ERLIN1: variants seen among roughly 807,000 people sequenced by gnomAD.
ERLIN1 encodes ER lipid raft associated 1.
ERLIN1 carries 24 observed loss-of-function variants against 46.9 expected under a neutral mutation model. That is an observed-to-expected ratio of 0.51 (90% CI 0.37 to 0.72). ERLIN1 has a LOEUF of 0.72. Ranked by LOEUF, ERLIN1 falls within the 30% of genes least tolerant of loss-of-function variation. The probability of loss-of-function intolerance (pLI) is 0.00; values close to 1 mark genes in which losing one functional copy is unlikely to be tolerated. For missense variants in ERLIN1, 293 were observed against 417.9 expected (o/e 0.70, Z 2.61); for synonymous variants, 158 against 143.2 (o/e 1.10, Z -0.74).
rs1842776785 is a variant in ERLIN1 at position 100,151,006 on chromosome 10, G to C, written c.*1125C>G. 1 of 152,442 alleles carries C rather than the reference G, an allele frequency of 6.6e-6. No individual in the cohort carries two copies. Among genetic ancestry groups the C allele is most frequent in the Non-Finnish European group, 1.5e-5 (1 of 68,052 alleles). 9.4% of individuals were successfully genotyped at this position (152,442 alleles called of 1,614,324 possible). A position where few individuals can be genotyped will look rare whatever the true frequency, so the allele number is the denominator to read the frequency against. Reference sequence around the variant, plus strand: ...CTGGGCCAGGTGGGAAGGAGACAATGATGACCAAGGATGCTTTCTAGGTGA... The same window carrying C: ...CTGGGCCAGGTGGGAAGGAGACAATCATGACCAAGGATGCTTTCTAGGTGA... On this transcript the variant is annotated 3_prime_UTR_variant, in exon 11 of 11. Transcript: ENST00000421367.
chr10:100,174,386 G>C lies in ERLIN1; in HGVS notation c.431-105C>G, dbSNP rs532476491. 6.1e-6 allele frequency: 5 copies of C among 815,964 alleles called. No homozygotes were observed. The African/African-American group carries it at 8.6e-5, about 14-fold the overall frequency. 50.5% of individuals were successfully genotyped at this position (815,964 alleles called of 1,614,324 possible). A position where few individuals can be genotyped will look rare whatever the true frequency, so the allele number is the denominator to read the frequency against. ...CATTATTAGACCTAAAGTTTCCACA[G>C]TACTATTCTTTTACAGAGCTTAAAC... On this transcript the variant is annotated intron_variant, in intron 5 of 10. Coordinates refer to ENST00000421367, the MANE Select transcript of ERLIN1 (RefSeq NM_006459.4).
At chr10:100,156,329 C>A in intron 8 of ERLIN1, 95 bp from the exon 9 acceptor site, 1 of 745,088 alleles carries the variant, frequency 1.3e-6, no homozygotes, top group South Asian at 1.6e-5. Flanking sequence ...CATTTAATTA[C>A]AGAAAGTTTT....
chr10:100,176,843 C>T (rs1317937663), intron 4 of ERLIN1, among the ~76,000 whole-genome samples: 4 of 152,212 alleles, frequency 2.6e-5, no homozygotes, highest in African/African-American at 9.7e-5. Flanking sequence ...TCAAATCCGA[C>T]TGGGCGCGGT....
intron 9 of ERLIN1, 50 bp from the exon 10 acceptor site, chr10:100,154,989 A>T (rs1842997080): frequency 1.4e-6 from 2 of 1,460,612 alleles, no homozygotes; most frequent in Non-Finnish European, 1.9e-6. Context: ...CAGCTAGTTA[A>T]GAGTCCCTTT....
intron 6 of ERLIN1, among the ~76,000 whole-genome samples, chr10:100,170,039 A>G (rs1041019579): frequency 6.6e-6 from 1 of 152,118 alleles, no homozygotes; most frequent in Admixed American, 6.6e-5. Context: ...AAACAAAACA[A>G]CATGTATATG....
chr10:100,177,164 T>C (rs916358487), intron 4 of ERLIN1, among the ~76,000 whole-genome samples: 5 of 152,158 alleles, frequency 3.3e-5, no homozygotes, highest in Non-Finnish European at 5.9e-5. Context: ...AATAAATACT[T>C]AATGACTAAA....
At chr10:100,158,632 A>T (rs1843196739) in intron 8 of ERLIN1, among the ~76,000 whole-genome samples, 1 of 152,224 alleles carries the variant, frequency 6.6e-6, no homozygotes, top group Admixed American at 6.5e-5. Flanking sequence ...TACTGTAAGG[A>T]TTAATCATAA....
At position 100,178,202 on chromosome 10, in the gene ERLIN1, CAAAG is replaced by C; in HGVS notation, c.243-12_243-9del. 6.4e-7 allele frequency: 1 copy of C among 1,557,906 alleles called. No individual in the cohort carries two copies. The highest frequency in any genetic ancestry group is 8.7e-7 in the Non-Finnish European group (1 of 1,148,734). On this transcript the variant is annotated splice_polypyrimidine_tract_variant and intron_variant, in intron 3 of 10. Coordinates refer to ENST00000421367, the MANE Select transcript of ERLIN1 (RefSeq NM_006459.4). ...TAGATCATGACCCCACCACTAAAAACAAAGAAAAAAAGTGTGAACTACTAAAGGC... is the reference window on the plus strand; with the variant it reads ...TAGATCATGACCCCACCACTAAAAACAAAAAAAGTGTGAACTACTAAAGGC...
chr10:100,165,053 G>T (rs1843556761), intron 7 of ERLIN1, among the ~76,000 whole-genome samples: 1 of 152,156 alleles, frequency 6.6e-6, no homozygotes, highest in Non-Finnish European at 1.5e-5. Context: ...AACCTGTAAT[G>T]GAAATGGCTG....
chr10:100,150,202 A>G lies in ERLIN1; in HGVS notation c.*1929T>C, dbSNP rs995052506. The G allele has an allele frequency of 1.3e-5, 2 of 152,224 alleles. No homozygotes were observed. The highest frequency in any genetic ancestry group is 2.9e-5 in the Non-Finnish European group (2 of 68,038). The allele number at this position is 152,224 out of a possible 1,614,324, so 9.4% of individuals were successfully genotyped here. On this transcript the variant is annotated 3_prime_UTR_variant, in exon 11 of 11. Coordinates refer to ENST00000421367, the MANE Select transcript of ERLIN1 (RefSeq NM_006459.4). ...TATATTTGCCAAAAGGAACACCCCG[A>G]AAGACGGCCAGCCTCAGAGCTGAGA...
At chr10:100,158,773 T>C (rs928502824) in intron 8 of ERLIN1, among the ~76,000 whole-genome samples, 8 of 152,128 alleles carry the variant, frequency 5.3e-5, no homozygotes, top group Non-Finnish European at 1.2e-4. Context: ...GATAGAATGA[T>C]TAACAACTAG....
rs546169901 is a variant in ERLIN1 at position 100,170,826 on chromosome 10, A to C, written c.504+3382T>G. On this transcript the variant is annotated intron_variant, in intron 6 of 10. Transcript: ENST00000421367. Reference sequence around the variant, plus strand: ...TCGATTTGATGAGAAAAGACCAAGGACTCAATAACTAATGAAAGAGTAGGA... The same window carrying C: ...TCGATTTGATGAGAAAAGACCAAGGCCTCAATAACTAATGAAAGAGTAGGA... 6.6e-5 allele frequency among the ~76,000 whole-genome samples: 10 copies of C among 152,370 alleles called. No homozygotes were observed. In the South Asian group the frequency reaches 1.7e-3, roughly 25 times the overall value.
At chr10:100,161,360 G>A (rs187886168) in intron 8 of ERLIN1, among the ~76,000 whole-genome samples, 4 of 152,100 alleles carry the variant, frequency 2.6e-5, no homozygotes, top group South Asian at 4.1e-4. Context: ...AAAAATAAAG[G>A]TATATAAGAA....
chr10:100,156,197 A>G lies in ERLIN1; in HGVS notation c.693T>C (p.Phe231=). Residue 231 remains phenylalanine (F), a synonymous_variant, in exon 9 of 11, where the codon TTT becomes TTC. Coordinates refer to ENST00000421367, the MANE Select transcript of ERLIN1 (RefSeq NM_006459.4). ...TTTCTTTTTCCATCACTTTCTGCTG[A>G]AACCGAATTTTTGCCACTTGTGCAA... ...EKIAQVAKIR[F]QQKVMEKETE... 6.2e-7 allele frequency: 1 copy of G among 1,613,510 alleles called. No individual in the cohort carries two copies. Among genetic ancestry groups the G allele is most frequent in the Non-Finnish European group, 8.5e-7 (1 of 1,179,514 alleles).
chr10:100,185,028 G>A (rs1844881744), intron 1 of ERLIN1, among the ~76,000 whole-genome samples: 1 of 151,952 alleles, frequency 6.6e-6, no homozygotes, highest in Admixed American at 6.5e-5. Context: ...GCCCATCAGT[G>A]TTGTGCTTAT....
At chr10:100,185,037 A>C (rs1844882434) in intron 1 of ERLIN1, among the ~76,000 whole-genome samples, 1 of 151,724 alleles carries the variant, frequency 6.6e-6, no homozygotes, top group Non-Finnish European at 1.5e-5. Flanking sequence ...TGTTGTGCTT[A>C]TGTCCCTGGA....
chr10:100,170,463 C>G (rs1843925698), intron 6 of ERLIN1, among the ~76,000 whole-genome samples: 1 of 152,020 alleles, frequency 6.6e-6, no homozygotes. Flanking sequence ...TTTATAAAAA[C>G]AGCAAATAAA....
chr10:100,184,350 CA>C (rs1457220313), intron 1 of ERLIN1, among the ~76,000 whole-genome samples: 1 of 151,768 alleles, frequency 6.6e-6, no homozygotes, highest in Non-Finnish European at 1.5e-5. Context: ...TATATAAAAA[CA>C]AAAAATTAGC....
intron 1 of ERLIN1, among the ~76,000 whole-genome samples, chr10:100,185,301 G>A (rs1255617281): frequency 6.6e-6 from 1 of 152,086 alleles, no homozygotes. Flanking sequence ...AATAACCGTA[G>A]GGAGACTTAA....
Sources: gnomAD v4.1 joint callset for allele counts (sites outside exome capture counted in the v4.1 genomes callset) on GRCh38, gnomAD v4.1.1 for gene constraint, MANE v1.5 for transcripts, NCBI Gene and HGNC (gene_info 2026-07-23, HGNC 2026-07-21) for gene names.